Variants in PCDHA3 observed in about 807,000 individuals in gnomAD.
PCDHA3 encodes the protein protocadherin alpha-3.
A neutral mutation model predicts 62.2 loss-of-function variants in PCDHA3; 41 were observed. That is an observed-to-expected ratio of 0.66 (90% CI 0.51 to 0.86). PCDHA3 has a LOEUF of 0.86. Among genes scored for constraint, PCDHA3 ranks in the 40% least tolerant of loss-of-function variants. The probability of loss-of-function intolerance (pLI) is 0.00; values close to 1 mark genes in which losing one functional copy is unlikely to be tolerated. For missense variants in PCDHA3, 1,304 were observed against 1,241.2 expected (o/e 1.05, Z -0.76); for synonymous variants, 640 against 555.4 (o/e 1.15, Z -2.14).
chr5:140,882,132 A>C, intron 1 of PCDHA3: 1 of 1,475,878 alleles, frequency 6.8e-7, no homozygotes. Flanking sequence ...TTCTTCCTGC[A>C]GAAAATATAG....
At chr5:140,870,461 C>G in intron 1 of PCDHA3, 2 of 1,614,246 alleles carry the variant, frequency 1.2e-6, no homozygotes, top group Admixed American at 3.3e-5. Context: ...AATGCGCCTG[C>G]GTTCGCACAG....
chr5:140,974,720 C>T (rs1554236283), intron 1 of PCDHA3, among the ~76,000 whole-genome samples: 1 of 152,070 alleles, frequency 6.6e-6, no homozygotes, highest in African/African-American at 2.4e-5. Context: ...AAGCTGCTCT[C>T]GAACTCCTGT....
intron 1 of PCDHA3, chr5:140,807,610 C>T (rs1554124152): frequency 1.2e-6 from 2 of 1,614,192 alleles, no homozygotes; most frequent in East Asian, 2.2e-5. Flanking sequence ...AGAACCTGTC[C>T]ATCGCGGAAT....
rs2150103831 is a variant in PCDHA3, at chr5:140,819,325, A to G, written c.2394+15734A>G. Among the ~76,000 whole-genome samples, 393 of 152,298 alleles carry G rather than the reference A, an allele frequency of 2.6e-3. 1 individual carries two copies. Among genetic ancestry groups the G allele is most frequent in the African/African-American group, 8.9e-3 (371 of 41,578 alleles). ...AATTTTATTCTGGGTTTTGTAAGGA[A>G]TAAAGGACATTTGTACCCTTATGAA... On this transcript the variant is annotated intron_variant, in intron 1 of 3. Coordinates refer to ENST00000522353, the MANE Select transcript of PCDHA3 (RefSeq NM_018906.3).
rs1301585258 is a variant in PCDHA3 at position 140,802,005 on chromosome 5, G to C, written c.808G>C (p.Asp270His). The C allele has an allele frequency of 6.8e-6, 11 of 1,614,080 alleles. No homozygotes were observed. The highest frequency in any genetic ancestry group is 9.3e-6 in the Non-Finnish European group (11 of 1,180,056). ...LVVTVNATDL[D>H]EGVNKDIAYS... Reference sequence around the variant, plus strand: ...GGTGACCGTTAACGCCACCGATTTGGATGAAGGAGTAAATAAGGATATCGC... The same window carrying C: ...GGTGACCGTTAACGCCACCGATTTGCATGAAGGAGTAAATAAGGATATCGC... Residue 270 changes from aspartate (D) to histidine (H), a missense_variant, in exon 1 of 4, where the codon GAT becomes CAT. Transcript: ENST00000522353.
intron 1 of PCDHA3, among the ~76,000 whole-genome samples, chr5:140,873,433 C>A (rs1404157271): frequency 2.0e-5 from 3 of 152,116 alleles, no homozygotes; most frequent in African/African-American, 7.2e-5. Context: ...TATTTTATAT[C>A]ACATAAATAA....
intron 1 of PCDHA3, among the ~76,000 whole-genome samples, chr5:140,884,988 A>G (rs2060423125): frequency 6.6e-6 from 1 of 152,242 alleles, no homozygotes; most frequent in African/African-American, 2.4e-5. Context: ...CATTTAGAAA[A>G]TGTTTGTTTT....
chr5:140,882,149 G>A (rs2058970957), intron 1 of PCDHA3: 2 of 1,501,900 alleles, frequency 1.3e-6, no homozygotes, highest in Middle Eastern at 4.3e-4. Flanking sequence ...ATAGCAGAAA[G>A]CGGAATACCT....
At position 140,830,572 on chromosome 5, in the gene PCDHA3, T is replaced by C. The variant is rs1012149476; in HGVS notation, c.2394+26981T>C. 7 of 871,722 alleles carry C rather than the reference T, an allele frequency of 8.0e-6. No individual in the cohort carries two copies. In the African/African-American group the frequency reaches 1.2e-4, roughly 15 times the overall value. 54.0% of individuals were successfully genotyped at this position (871,722 alleles called of 1,614,324 possible). On this transcript the variant is annotated intron_variant, in intron 1 of 3. Coordinates refer to ENST00000522353, the MANE Select transcript of PCDHA3 (RefSeq NM_018906.3). The stretch of plus-strand genomic sequence containing the variant: ...TATTTGTCTTCTATATTTCTGTTTT[T>C]AATTTTTAATTAATTTTACAAAATT...
rs2150153746 is a variant in PCDHA3, at chr5:140,828,302, C to A, written c.2394+24711C>A. On this transcript the variant is annotated intron_variant, in intron 1 of 3. Coordinates refer to ENST00000522353, the MANE Select transcript of PCDHA3 (RefSeq NM_018906.3). Reference sequence around the variant, plus strand: ...CCTGTTCAGGATGGCCTCCAAAGACCGCGAGGACCTTCTGGAGGTAAATCT... The same window carrying A: ...CCTGTTCAGGATGGCCTCCAAAGACAGCGAGGACCTTCTGGAGGTAAATCT... The A allele has an allele frequency of 1.9e-6, 3 of 1,614,148 alleles. No homozygotes were observed. The Admixed American group carries it at 5.0e-5, about 27-fold the overall frequency.
intron 1 of PCDHA3, chr5:140,824,018 C>T (rs2150131575): frequency 6.2e-7 from 1 of 1,613,994 alleles, no homozygotes; most frequent in African/African-American, 1.3e-5. Context: ...GGGAGCTGGT[C>T]GTACTCGCAG....
At chr5:140,893,039 C>A (rs1024548713) in intron 1 of PCDHA3, among the ~76,000 whole-genome samples, 49 of 152,306 alleles carry the variant, frequency 3.2e-4, no homozygotes, top group African/African-American at 1.1e-3. Flanking sequence ...TAACATATGC[C>A]CTCCAGGCTC....
intron 1 of PCDHA3, chr5:140,828,687 C>T: frequency 6.2e-7 from 1 of 1,614,206 alleles, no homozygotes; most frequent in Non-Finnish European, 8.5e-7. Context: ...TTAAAGAAAT[C>T]CTTGGACAGA....
At chr5:140,885,809 T>G (rs1208963596) in intron 1 of PCDHA3, among the ~76,000 whole-genome samples, 1 of 152,320 alleles carries the variant, frequency 6.6e-6, no homozygotes, top group African/African-American at 2.4e-5. Flanking sequence ...ATTTTGTTGA[T>G]TTGTATTTGA....
At chr5:140,835,959 G>T (rs1162944895) in intron 1 of PCDHA3, 12 of 1,612,958 alleles carry the variant, frequency 7.4e-6, no homozygotes, top group Non-Finnish European at 9.3e-6. Context: ...GTTGGACCAC[G>T]AGGAGCTGGA....
chr5:140,875,261 G>T, intron 1 of PCDHA3: 1 of 1,130,462 alleles, frequency 8.8e-7, no homozygotes, highest in East Asian at 2.7e-5. Flanking sequence ...ACATGATGTC[G>T]CTCTACACTC....
chr5:140,965,924 C>A (rs548082207), intron 1 of PCDHA3, among the ~76,000 whole-genome samples: 1 of 152,212 alleles, frequency 6.6e-6, no homozygotes, highest in Non-Finnish European at 1.5e-5. Context: ...TTTAGGCTTG[C>A]TCCCGGAAAG....
At position 140,970,818 on chromosome 5, in the gene PCDHA3, G is replaced by A. The variant is rs77234853; in HGVS notation, c.2395-8131G>A. Among the ~76,000 whole-genome samples, 569 of 152,084 alleles carry A rather than the reference G, an allele frequency of 3.7e-3. 1 individual carries two copies. The highest frequency in any genetic ancestry group is 5.8e-3 in the South Asian group (28 of 4,824). On this transcript the variant is annotated intron_variant, in intron 1 of 3. Coordinates refer to ENST00000522353, the MANE Select transcript of PCDHA3 (RefSeq NM_018906.3). ...CATATTGTTACATTTCAAGTTCATGGTAATCTTGAGGAATGTAATGCACAG... is the reference window on the plus strand; with the variant it reads ...CATATTGTTACATTTCAAGTTCATGATAATCTTGAGGAATGTAATGCACAG...
At chr5:140,909,634 T>G (rs2074616296) in intron 1 of PCDHA3, among the ~76,000 whole-genome samples, 1 of 152,176 alleles carries the variant, frequency 6.6e-6, no homozygotes, top group Non-Finnish European at 1.5e-5. Flanking sequence ...GTCTTCCTAT[T>G]TTGTCTTTTC....
Sources: allele counts gnomAD v4.1 joint callset (sites outside exome capture counted in the v4.1 genomes callset), GRCh38; gene constraint gnomAD v4.1.1; transcripts MANE v1.5; gene names NCBI Gene and HGNC (gene_info 2026-07-23, HGNC 2026-07-21).